DOP1A: variants seen among roughly 807,000 people sequenced by gnomAD.
DOP1A encodes protein DOP1A.
A neutral mutation model predicts 267.6 loss-of-function variants in DOP1A; 90 were observed. That is an observed-to-expected ratio of 0.34 (90% CI 0.28 to 0.40). The LOEUF (loss-of-function observed/expected upper bound fraction) is 0.40. Ranked by LOEUF, DOP1A falls within the 10% of genes least tolerant of loss-of-function variation. DOP1A has a pLI of 1.00. For synonymous variants in DOP1A, 932 were observed against 999.1 expected, an observed-to-expected ratio of 0.93 and a Z score of 1.27; for missense variants, 2,437 against 2,900.4, an observed-to-expected ratio of 0.84 and a Z score of 3.67.
chr6:83,137,895 A>G lies in DOP1A; in HGVS notation c.3853A>G (p.Thr1285Ala). Reference sequence around the variant, plus strand: ...ATCAGAAAAAGTTTCGGAGAAGGAAACAATAGTTAAGGAGTCAGGTAAACA... The same window carrying G: ...ATCAGAAAAAGTTTCGGAGAAGGAAGCAATAGTTAAGGAGTCAGGTAAACA... ...KLSEKVSEKETIVKESGKQPG... is the reference protein window; with the variant it reads ...KLSEKVSEKEAIVKESGKQPG... The change falls in exon 21 of 39, where the codon ACA becomes GCA. Residue 1285 changes from threonine to alanine, a missense_variant. This residue lies in a region of DOP1A where 878 missense variants were observed against 992.9 expected (regional missense o/e 0.88). Transcript: ENST00000349129. The G allele has an allele frequency of 6.2e-7, 1 of 1,613,252 alleles. No homozygotes were observed. Among genetic ancestry groups the G allele is most frequent in the Non-Finnish European group, 8.5e-7 (1 of 1,179,808 alleles).
At chr6:83,154,468 T>A (rs890517604) in intron 33 of DOP1A, among the ~76,000 whole-genome samples, 1 of 152,226 alleles carries the variant, frequency 6.6e-6, no homozygotes, top group Admixed American at 6.5e-5. Flanking sequence ...GTAAAACTAT[T>A]TGTCCTTTTG....
Position 83,075,920 on chromosome 6 carries a change from A to G in DOP1A, c.-147+8141A>G, listed in dbSNP as rs553687784. Among the ~76,000 whole-genome samples the G allele has an allele frequency of 7.9e-5, 12 of 152,348 alleles. No homozygotes were observed. In the South Asian group the frequency reaches 2.3e-3, roughly 29 times the overall value. On this transcript the variant is annotated intron_variant, in intron 1 of 38. Transcript: ENST00000349129. Reference sequence around the variant, plus strand: ...AAACATAGGAGAAAAGCTTTATGACATTGAGTTTGGCAGTTTCTTGGATAT... The same window carrying G: ...AAACATAGGAGAAAAGCTTTATGACGTTGAGTTTGGCAGTTTCTTGGATAT...
chr6:83,166,381 G>A, intron 38 of DOP1A: 1 of 700,596 alleles, frequency 1.4e-6, no homozygotes, highest in Non-Finnish European at 2.6e-6. Flanking sequence ...AAAACTTCTT[G>A]AGCCATCACG....
chr6:83,092,648 G>GT (rs548191885), intron 1 of DOP1A, among the ~76,000 whole-genome samples: 1,565 of 134,158 alleles, frequency 0.012, 38 homozygotes, highest in African/African-American at 0.039. Flanking sequence ...TCTAAATTCT[G>GT]TTTTTTTTTC....
intron 26 of DOP1A, 114 bp downstream of exon 26, chr6:83,147,405 C>T (rs1780800706): frequency 6.7e-6 from 3 of 447,638 alleles, no homozygotes; most frequent in South Asian, 1.6e-4. Flanking sequence ...CATGTATATC[C>T]TACAAACCTA....
chr6:83,095,346 T>C (rs567601594), intron 1 of DOP1A, among the ~76,000 whole-genome samples: 2 of 152,344 alleles, frequency 1.3e-5, no homozygotes, highest in East Asian at 3.9e-4. Flanking sequence ...CTCTGATCTA[T>C]TTTAAAGTAA....
chr6:83,084,242 A>G (rs1475850720), intron 1 of DOP1A, among the ~76,000 whole-genome samples: 1 of 152,186 alleles, frequency 6.6e-6, no homozygotes, highest in Non-Finnish European at 1.5e-5. Context: ...ACAAATACTT[A>G]CTGTTGTGTT....
intron 3 of DOP1A, among the ~76,000 whole-genome samples, chr6:83,097,369 CAGAAG>C (rs1771687937): frequency 1.3e-5 from 2 of 152,100 alleles, no homozygotes; most frequent in South Asian, 4.2e-4. Flanking sequence ...GCTATAAAAA[CAGAAG>C]AGAAGGAAGC....
At chr6:83,088,611 CG>C (rs1769757655) in intron 1 of DOP1A, among the ~76,000 whole-genome samples, 1 of 151,734 alleles carries the variant, frequency 6.6e-6, no homozygotes. Context: ...CTAGTAGAGA[CG>C]GGTTTCACCA....
chr6:83,166,832 A>C, intron 38 of DOP1A: 1 of 1,007,742 alleles, frequency 9.9e-7, no homozygotes, highest in Admixed American at 5.9e-5. Flanking sequence ...TTTCTGAGCA[A>C]CATCTGATCT....
Position 83,135,574 on chromosome 6 carries a change from G to A in DOP1A, c.2871-45G>A, listed in dbSNP as rs1456016470. On this transcript the variant is annotated intron_variant, in intron 19 of 38. Coordinates refer to ENST00000349129, the MANE Select transcript of DOP1A (RefSeq NM_015018.4). ...TTAATTTTATAAAAGAGTGTGACAA[G>A]GTAGATGTTTGGTTCTTTATTTTAA... 3 of 1,558,598 alleles carry A rather than the reference G, an allele frequency of 1.9e-6. No individual in the cohort carries two copies. In the South Asian group the frequency reaches 3.6e-5, roughly 19 times the overall value.
intron 1 of DOP1A, among the ~76,000 whole-genome samples, chr6:83,070,605 CTTCTGT>C (rs1785422563): frequency 6.6e-6 from 1 of 152,196 alleles, no homozygotes; most frequent in African/African-American, 2.4e-5. Flanking sequence ...TGAGAATGTT[CTTCTGT>C]TTCTGAGTGT....
intron 10 of DOP1A, among the ~76,000 whole-genome samples, chr6:83,121,256 C>T (rs935616572): frequency 1.3e-5 from 2 of 151,650 alleles, no homozygotes; most frequent in African/African-American, 4.8e-5. Flanking sequence ...TAAATATTTA[C>T]AGCAATAAAA....
intron 24 of DOP1A, among the ~76,000 whole-genome samples, chr6:83,142,572 A>G (rs1204353227): frequency 6.6e-6 from 1 of 152,146 alleles, no homozygotes; most frequent in Non-Finnish European, 1.5e-5. Context: ...AGATATGTGA[A>G]AAAAGAGAAA....
At position 83,087,066 on chromosome 6, in the gene DOP1A, A is replaced by C. The variant is rs557371702; in HGVS notation, c.-146-9665A>C. On this transcript the variant is annotated intron_variant, in intron 1 of 38. Coordinates refer to ENST00000349129, the MANE Select transcript of DOP1A (RefSeq NM_015018.4). ...CCAGATTCAGAACACAGCAAGAGGG[A>C]GGCCTTTACTGGGAGGAAGGTCCTT... 8.2e-4 allele frequency among the ~76,000 whole-genome samples: 125 copies of C among 152,264 alleles called. 1 individual carries two copies. The highest frequency in any genetic ancestry group is 2.5e-3 in the African/African-American group (105 of 41,552).
intron 1 of DOP1A, among the ~76,000 whole-genome samples, chr6:83,081,480 T>C (rs1397066184): frequency 1.3e-5 from 2 of 152,180 alleles, no homozygotes; most frequent in African/African-American, 4.8e-5. Flanking sequence ...CAGTAAATCG[T>C]GTTGGGAAAA....
chr6:83,074,333 A>T (rs1278983593), intron 1 of DOP1A, among the ~76,000 whole-genome samples: 1 of 152,090 alleles, frequency 6.6e-6, no homozygotes, highest in Admixed American at 6.6e-5. Flanking sequence ...AGATGAAAGG[A>T]GGAAATACCA....
intron 1 of DOP1A, among the ~76,000 whole-genome samples, chr6:83,096,467 C>T (rs1771532063): frequency 6.7e-6 from 1 of 149,418 alleles, no homozygotes; most frequent in Non-Finnish European, 1.5e-5. Flanking sequence ...GGCCTTCATA[C>T]TAGATGCCCA....
At chr6:83,097,471 A>G (rs1041278899) in intron 3 of DOP1A, among the ~76,000 whole-genome samples, 5 of 152,240 alleles carry the variant, frequency 3.3e-5, no homozygotes, top group African/African-American at 4.8e-5. Flanking sequence ...ATGAAAACCT[A>G]CAAATGGAAA....
Sources: allele counts gnomAD v4.1 joint callset (sites outside exome capture counted in the v4.1 genomes callset), GRCh38; gene constraint gnomAD v4.1.1; regional missense constraint gnomAD v4.1.1; transcripts MANE v1.5; gene names NCBI Gene and HGNC (gene_info 2026-07-23, HGNC 2026-07-21).